C11orf42: variants seen among roughly 807,000 people sequenced by gnomAD.
The protein encoded by C11orf42 is chromosome 11 open reading frame 42, also known as uncharacterized protein C11orf42.
Under a neutral mutation model 27.9 loss-of-function variants are expected in C11orf42, and 24 were observed. The observed-to-expected ratio is 0.86, with a 90% confidence interval of 0.62 to 1.21. The LOEUF is 1.21. Among genes scored for constraint, C11orf42 ranks in the 50% most tolerant of loss-of-function variants. C11orf42 has a pLI of 0.00. For missense variants in C11orf42, 455 were observed against 424.1 expected (o/e 1.07, Z -0.64); for synonymous variants, 187 against 180.8 (o/e 1.03, Z -0.28).
Position 6,210,266 on chromosome 11 carries a change from C to T in C11orf42, c.489C>T (p.Tyr163=), listed in dbSNP as rs753059238. 5 of 1,614,226 alleles carry T rather than the reference C, an allele frequency of 3.1e-6. No individual in the cohort carries two copies. Among genetic ancestry groups the T allele is most frequent in the Non-Finnish European group, 4.2e-6 (5 of 1,180,034 alleles). ...LRSTHSIYVI[Y]QVFSCSWLQL... is the part of the protein sequence containing the mutation. ...GCACCCACAGCATCTATGTCATCTA[C>T]CAGGTCTTCTCTTGTTCCTGGCTGC... Residue 163 remains tyrosine (Y), a synonymous_variant, in exon 2 of 3, where the codon TAC becomes TAT. Transcript: ENST00000316375. This position sits in a 1 kb window ranked among gnomAD's most constrained non-coding sequence, Gnocchi z 4.0.
At position 6,210,491 on chromosome 11, in the gene C11orf42, C is replaced by T. The variant is rs760924904; in HGVS notation, c.714C>T (p.Pro238=). The T allele has an allele frequency of 1.1e-5, 17 of 1,613,600 alleles. No individual in the cohort carries two copies. The highest frequency in any genetic ancestry group is 1.4e-5 in the Non-Finnish European group (17 of 1,179,726). ...TCAGCATCATGCCGCCTCTGGCCCC[C>T]ACATCAGCACCTGCTGATACAACTG... is the stretch of plus-strand genomic sequence containing the variant. ...PNLSIMPPLA[P]TSAPADTTEA... is the part of the protein sequence containing the mutation. Residue 238 remains proline, a synonymous_variant, in exon 2 of 3, where the codon CCC becomes CCT. Coordinates refer to ENST00000316375, the MANE Select transcript of C11orf42 (RefSeq NM_173525.3). This position sits in a 1 kb window ranked among gnomAD's most constrained non-coding sequence, Gnocchi z 4.0.
chr11:6,208,254 C>T (rs886935658), intron 1 of C11orf42, among the ~76,000 whole-genome samples: 2 of 151,852 alleles, frequency 1.3e-5, no homozygotes, highest in African/African-American at 2.4e-5. Context: ...GAAAGTATAC[C>T]GTAACTAACA....
chr11:6,210,676 T>C lies in C11orf42; in HGVS notation c.871+28T>C, dbSNP rs199897670. ...ACTACTAGGGGAAATGATGATGAGA[T>C]GGATGGGAGGGACAAAGTGAAGGAG... On this transcript the variant is annotated intron_variant, in intron 2 of 2. Coordinates refer to ENST00000316375, the MANE Select transcript of C11orf42 (RefSeq NM_173525.3). This position sits in a 1 kb window ranked among gnomAD's most constrained non-coding sequence, Gnocchi z 4.0. 6.6e-5 allele frequency: 106 copies of C among 1,602,636 alleles called. No individual in the cohort carries two copies. The African/African-American group carries it at 8.6e-4, about 13-fold the overall frequency.
In C11orf42 at chr11:6,210,442, G is replaced by C; in HGVS notation, c.665G>C (p.Gly222Ala). ...KPLTKDPLPH[G>A]ANWVRPNLSI... is the part of the protein sequence containing the mutation. ...CTCACTAAAGACCCATTGCCCCATGGGGCCAACTGGGTCAGACCCAACCTC... is the reference window on the plus strand; with the variant it reads ...CTCACTAAAGACCCATTGCCCCATGCGGCCAACTGGGTCAGACCCAACCTC... The change falls in exon 2 of 3, where the codon GGG (glycine) becomes GCG (alanine). Residue 222 changes from glycine to alanine, a missense_variant. Coordinates refer to ENST00000316375, the MANE Select transcript of C11orf42 (RefSeq NM_173525.3). This position sits in a 1 kb window ranked among gnomAD's most constrained non-coding sequence, Gnocchi z 4.0. 6.2e-7 allele frequency: 1 copy of C among 1,614,178 alleles called. No individual in the cohort carries two copies. The highest frequency in any genetic ancestry group is 8.5e-7 in the Non-Finnish European group (1 of 1,180,024).
Position 6,209,957 on chromosome 11 carries a change from T to C in C11orf42, c.180T>C (p.His60=), listed in dbSNP as rs749548768. ...TGGTAAAACAGTCCCGCCCAGCCCATACCCGCCTGGCTTTGCCAGGTCGGC... is the reference window on the plus strand; with the variant it reads ...TGGTAAAACAGTCCCGCCCAGCCCACACCCGCCTGGCTTTGCCAGGTCGGC... ...GVLVKQSRPA[H]TRLALPGRQG... Residue 60 remains histidine (H), a synonymous_variant, in exon 2 of 3, where the codon CAT becomes CAC. Coordinates refer to ENST00000316375, the MANE Select transcript of C11orf42 (RefSeq NM_173525.3). The C allele has an allele frequency of 1.2e-6, 2 of 1,613,216 alleles. No individual in the cohort carries two copies. The highest frequency in any genetic ancestry group is 1.1e-5 in the South Asian group (1 of 91,082).
rs1290328155 is a variant in C11orf42, at chr11:6,205,638, T to G, written c.23T>G (p.Leu8Arg). 10 of 1,613,738 alleles carry G rather than the reference T, an allele frequency of 6.2e-6. No homozygotes were observed. The highest frequency in any genetic ancestry group is 7.6e-6 in the Non-Finnish European group (9 of 1,179,876). The change falls in exon 1 of 3, where the codon CTG becomes CGG. Residue 8 changes from leucine to arginine, a missense_variant. Transcript: ENST00000316375. Reference protein sequence around the residue: MLVGTPNLLTLDEADATW... With the variant: MLVGTPNRLTLDEADATW... ...ACCATGTTGGTGGGTACCCCCAACC[T>G]GCTGACACTGGATGAAGCTGATGCC...
At chr11:6,209,740 T>A (rs922638690) in intron 1 of C11orf42, 110 bp from the exon 2 acceptor site, 14 of 1,124,406 alleles carry the variant, frequency 1.2e-5, no homozygotes, top group Middle Eastern at 4.5e-4. Context: ...AGCATAAATC[T>A]GAACACATTA....
chr11:6,209,999 G>C lies in C11orf42; in HGVS notation c.222G>C (p.Leu74=). 6.2e-7 allele frequency: 1 copy of C among 1,614,114 alleles called. No individual in the cohort carries two copies. Among genetic ancestry groups the C allele is most frequent in the African/African-American group, 1.3e-5 (1 of 75,064 alleles). ...ALPGRQGRRA[L]KPVGPLPSLL... ...CAGGTCGGCAGGGCCGGAGGGCACT[G>C]AAACCAGTGGGGCCACTACCAAGCC... The change falls in exon 2 of 3, where the codon CTG becomes CTC. Residue 74 remains leucine, a synonymous_variant. Transcript: ENST00000316375.
chr11:6,210,528 G>A lies in C11orf42; in HGVS notation c.751G>A (p.Val251Met). 6.2e-7 allele frequency: 1 copy of A among 1,613,664 alleles called. No individual in the cohort carries two copies. The highest frequency in any genetic ancestry group is 2.2e-5 in the East Asian group (1 of 44,864). Residue 251 changes from valine to methionine, a missense_variant, in exon 2 of 3, where the codon GTG becomes ATG. Transcript: ENST00000316375. The surrounding 1 kb of genome is among the most constrained non-coding windows in gnomAD (Gnocchi z 4.0). ...APADTTEAAD[V>M]PPPVPAPPTP... is the part of the protein sequence containing the mutation. Reference sequence around the variant, plus strand: ...TGCTGATACAACTGAAGCTGCTGATGTGCCCCCACCTGTCCCAGCCCCACC... The same window carrying A: ...TGCTGATACAACTGAAGCTGCTGATATGCCCCCACCTGTCCCAGCCCCACC...
Position 6,209,905 on chromosome 11 carries a change from C to G in C11orf42, c.128C>G (p.Ala43Gly). ...NAVAVPFLSD[A>G]ACYDLLGVLV... ...GTAGCAGTACCTTTCCTGTCAGATG[C>G]AGCCTGCTATGACCTACTGGGTGTG... Residue 43 changes from alanine (A) to glycine (G), a missense_variant, in exon 2 of 3, where the codon GCA (alanine) becomes GGA (glycine). By Grantham distance (60) the Ala-to-Gly change is moderately conservative. Coordinates refer to ENST00000316375, the MANE Select transcript of C11orf42 (RefSeq NM_173525.3). The G allele has an allele frequency of 6.2e-7, 1 of 1,601,278 alleles. No individual in the cohort carries two copies. Among genetic ancestry groups the G allele is most frequent in the East Asian group, 2.2e-5 (1 of 44,478 alleles).
At chr11:6,206,534 T>C (rs1386226186) in intron 1 of C11orf42, among the ~76,000 whole-genome samples, 2 of 146,544 alleles carry the variant, frequency 1.4e-5, no homozygotes, top group African/African-American at 2.5e-5. Context: ...AAAACATTCA[T>C]AGAAGTCAGC....
chr11:6,207,167 A>G (rs553747037), intron 1 of C11orf42, among the ~76,000 whole-genome samples: 2 of 152,334 alleles, frequency 1.3e-5, no homozygotes, highest in South Asian at 2.1e-4. Flanking sequence ...GTAGGAGCAC[A>G]TAGTAGTCTT....
rs763471082 is a variant in C11orf42 at position 6,210,675 on chromosome 11, A to G, written c.871+27A>G. The G allele has an allele frequency of 1.2e-6, 2 of 1,604,964 alleles. No individual in the cohort carries two copies. Among genetic ancestry groups the G allele is most frequent in the South Asian group, 2.2e-5 (2 of 90,518 alleles). ...TACTACTAGGGGAAATGATGATGAGATGGATGGGAGGGACAAAGTGAAGGA... is the reference window on the plus strand; with the variant it reads ...TACTACTAGGGGAAATGATGATGAGGTGGATGGGAGGGACAAAGTGAAGGA... On this transcript the variant is annotated intron_variant, in intron 2 of 2. Transcript: ENST00000316375. This position sits in a 1 kb window ranked among gnomAD's most constrained non-coding sequence, Gnocchi z 4.0.
chr11:6,206,900 C>T (rs943625232), intron 1 of C11orf42, among the ~76,000 whole-genome samples: 6 of 152,170 alleles, frequency 3.9e-5, no homozygotes, highest in Admixed American at 6.5e-5. Context: ...ACTGGCATTA[C>T]GGGGCAAATT....
rs759086926 is a variant in C11orf42 at position 6,210,077 on chromosome 11, C to T, written c.300C>T (p.Tyr100=). Residue 100 remains tyrosine, a synonymous_variant, in exon 2 of 3, where the codon TAC becomes TAT. Coordinates refer to ENST00000316375, the MANE Select transcript of C11orf42 (RefSeq NM_173525.3). The surrounding 1 kb of genome is among the most constrained non-coding windows in gnomAD (Gnocchi z 4.0). ...EGAFAHCTRE[Y]SPNGRAERAY... is the part of the protein sequence containing the mutation. ...CCTTCGCCCACTGCACTCGGGAATA[C>T]TCACCAAATGGCCGAGCAGAGAGAG... 1 of 1,614,246 alleles carries T rather than the reference C, an allele frequency of 6.2e-7. No homozygotes were observed. Among genetic ancestry groups the T allele is most frequent in the Non-Finnish European group, 8.5e-7 (1 of 1,180,048 alleles).
At chr11:6,209,828 C>T (rs1847023725) in intron 1 of C11orf42, 22 bp from the exon 2 acceptor site, 2 of 1,561,168 alleles carry the variant, frequency 1.3e-6, no homozygotes, top group Admixed American at 1.8e-5. Flanking sequence ...AAGTCCCTGA[C>T]CTATAAACTG....
intron 1 of C11orf42, among the ~76,000 whole-genome samples, chr11:6,208,545 G>A (rs565749337): frequency 1.3e-5 from 2 of 152,282 alleles, no homozygotes; most frequent in African/African-American, 4.8e-5. Flanking sequence ...TCCTGCCTCA[G>A]TATCATGAGT....
Position 6,210,252 on chromosome 11 carries a change from A to C in C11orf42, c.475A>C (p.Ile159Leu), listed in dbSNP as rs985424589. 1.2e-6 allele frequency: 2 copies of C among 1,614,094 alleles called. No homozygotes were observed. Among genetic ancestry groups the C allele is most frequent in the Admixed American group, 3.3e-5 (2 of 60,014 alleles). The change falls in exon 2 of 3, where the codon ATC becomes CTC. Residue 159 changes from isoleucine (I) to leucine (L), a missense_variant. Transcript: ENST00000316375. This position sits in a 1 kb window ranked among gnomAD's most constrained non-coding sequence, Gnocchi z 4.0. Reference sequence around the variant, plus strand: ...TCCCTGGCTCCGAAGCACCCACAGCATCTATGTCATCTACCAGGTCTTCTC... The same window carrying C: ...TCCCTGGCTCCGAAGCACCCACAGCCTCTATGTCATCTACCAGGTCTTCTC... The part of the protein sequence containing the change: ...TLPWLRSTHS[I>L]YVIYQVFSCS...
At chr11:6,209,782 C>A in intron 1 of C11orf42, 68 bp from the exon 2 acceptor site, 1 of 1,456,008 alleles carries the variant, frequency 6.9e-7, no homozygotes, top group South Asian at 1.4e-5. Context: ...ACCTGGGGGT[C>A]AATTTAAAGT....
Sources: gnomAD v4.1 joint callset for allele counts (sites outside exome capture counted in the v4.1 genomes callset) on GRCh38, gnomAD v4.1.1 for gene constraint, Gnocchi (gnomAD v3.1) non-coding constraint, MANE v1.5 for transcripts, NCBI Gene and HGNC (gene_info 2026-07-23, HGNC 2026-07-21) for gene names.